The following NT5C2 variants were observed in gnomAD, a reference collection of about 807,000 sequenced individuals.
NT5C2 encodes cytosolic purine 5'-nucleotidase.
NT5C2 carries 58 observed loss-of-function variants against 76.1 expected under a neutral mutation model. The observed-to-expected ratio is 0.76, with a 90% CI of 0.62 to 0.95. The LOEUF is 0.95. Among genes scored for constraint, NT5C2 ranks in the 40% least tolerant of loss-of-function variants. The pLI is 0.00. For synonymous variants in NT5C2, 229 were observed against 237.4 expected, an observed-to-expected ratio of 0.96 and a Z score of 0.32; for missense variants, 478 against 690.3, an observed-to-expected ratio of 0.69 and a Z score of 3.45.
intron 4 of NT5C2, among the ~76,000 whole-genome samples, chr10:103,122,825 C>T (rs1213289172): frequency 6.6e-6 from 1 of 152,148 alleles, no homozygotes; most frequent in Non-Finnish European, 1.5e-5. Flanking sequence ...TAAGTTCCTC[C>T]CAGTTTATCA....
intron 3 of NT5C2, among the ~76,000 whole-genome samples, chr10:103,174,453 C>G (rs760143453): frequency 6.6e-6 from 1 of 152,136 alleles, no homozygotes; most frequent in Non-Finnish European, 1.5e-5. Flanking sequence ...CACCTGTAGT[C>G]TCAGCTACTC....
intron 3 of NT5C2, among the ~76,000 whole-genome samples, chr10:103,170,918 A>AT (rs1170446254): frequency 6.6e-6 from 1 of 152,210 alleles, no homozygotes; most frequent in African/African-American, 2.4e-5. Context: ...CCTAATGTTA[A>AT]TTAATACTTT....
chr10:103,174,844 G>A lies in NT5C2; in HGVS notation c.101+14C>T. ...ATAGAGGGGTTTTGAGGATTAAATA[G>A]ACAAAATACTTACCGATGATAGGCT... On this transcript the variant is annotated intron_variant, in intron 3 of 18. Transcript: ENST00000404739. 6.4e-7 allele frequency: 1 copy of A among 1,573,982 alleles called. No homozygotes were observed. The highest frequency in any genetic ancestry group is 8.7e-7 in the Non-Finnish European group (1 of 1,144,434).
intron 1 of NT5C2, among the ~76,000 whole-genome samples, chr10:103,182,545 G>A (rs561291101): frequency 4.6e-5 from 7 of 151,690 alleles, no homozygotes; most frequent in Admixed American, 1.3e-4. Flanking sequence ...TGAGGCAGGA[G>A]AATCACTTGA....
At chr10:103,173,230 T>C (rs1271749650) in intron 3 of NT5C2, among the ~76,000 whole-genome samples, 1 of 152,144 alleles carries the variant, frequency 6.6e-6, no homozygotes, top group East Asian at 1.9e-4. Flanking sequence ...TACCCAGAGT[T>C]ACCCACATTC....
At chr10:103,094,113 T>G in intron 13 of NT5C2, 75 bp from the exon 14 acceptor site, 1 of 750,642 alleles carries the variant, frequency 1.3e-6, no homozygotes, top group Non-Finnish European at 2.0e-6. Context: ...AACCCTCCCA[T>G]CCCACCCCCC....
intron 1 of NT5C2, among the ~76,000 whole-genome samples, chr10:103,183,198 T>G (rs537956035): frequency 6.7e-6 from 1 of 149,628 alleles, no homozygotes; most frequent in Admixed American, 6.7e-5. Context: ...TTAAGTATTT[T>G]GTAACCTTTA....
At chr10:103,155,215 TTAA>T (rs2083117829) in intron 3 of NT5C2, among the ~76,000 whole-genome samples, 1 of 152,218 alleles carries the variant, frequency 6.6e-6, no homozygotes, top group African/African-American at 2.4e-5. Context: ...AAGTAGTGTG[TTAA>T]TAGTAGTATT....
At position 103,088,749 on chromosome 10, in the gene NT5C2, C is replaced by T. The variant is rs1371281533; in HGVS notation, c.*923G>A. ...TTGTGCCCTCTACTTTAGTAAGGTT[C>T]TGGCTTACAGAGCCCTCTTCCCATC... On this transcript the variant is annotated 3_prime_UTR_variant, in exon 19 of 19. Coordinates refer to ENST00000404739, the MANE Select transcript of NT5C2 (RefSeq NM_001351169.2). The T allele has an allele frequency of 5.6e-6, 1 of 179,822 alleles. No homozygotes were observed. Among genetic ancestry groups the T allele is most frequent in the Non-Finnish European group, 1.2e-5 (1 of 84,018 alleles). The allele number at this position is 179,822 out of a possible 1,614,324, so 11.1% of individuals were successfully genotyped here. A position where few individuals can be genotyped will look rare whatever the true frequency, so the allele number is the denominator to read the frequency against.
At chr10:103,183,262 G>GTGATATATAT (rs769522226) in intron 1 of NT5C2, among the ~76,000 whole-genome samples, 111 of 73,368 alleles carry the variant, frequency 1.5e-3, no homozygotes, top group South Asian at 6.1e-3. Flanking sequence ...GTGTGTGTGT[G>GTGATATATAT]ATATATATAT....
intron 1 of NT5C2, among the ~76,000 whole-genome samples, chr10:103,190,076 C>CT (rs1338319274): frequency 6.8e-6 from 1 of 146,930 alleles, no homozygotes; most frequent in Non-Finnish European, 1.5e-5. Context: ...TCTCAGCTCA[C>CT]TGCAACCTCC....
At chr10:103,119,426 T>G (rs569751280) in intron 4 of NT5C2, among the ~76,000 whole-genome samples, 27 of 152,258 alleles carry the variant, frequency 1.8e-4, no homozygotes, top group Admixed American at 5.9e-4. Context: ...TTAGAAGTGC[T>G]CATTCCCTCA....
intron 4 of NT5C2, among the ~76,000 whole-genome samples, chr10:103,107,925 C>T (rs769962558): frequency 1.3e-5 from 2 of 152,086 alleles, no homozygotes; most frequent in Admixed American, 6.5e-5. Flanking sequence ...GAGCCCAAGG[C>T]GGGCGGATCA....
rs530815119 is a variant in NT5C2 at position 103,105,403 on chromosome 10, A to T, written c.389+303T>A. ...AGAACTGTATTAGAAAGAAGAAAAT[A>T]AAAATCTTAGAATTTCAAATAAGTC... On this transcript the variant is annotated intron_variant, in intron 6 of 18. Coordinates refer to ENST00000404739, the MANE Select transcript of NT5C2 (RefSeq NM_001351169.2). The T allele has an allele frequency of 1.8e-5, 17 of 919,442 alleles. No individual in the cohort carries two copies. The East Asian group carries it at 9.3e-4, about 51-fold the overall frequency. 57.0% of individuals were successfully genotyped at this position (919,442 alleles called of 1,614,324 possible).
At chr10:103,153,876 A>G (rs1221957506) in intron 3 of NT5C2, 1 of 761,692 alleles carries the variant, frequency 1.3e-6, no homozygotes, top group Non-Finnish European at 1.6e-6. Flanking sequence ...TACAGGAGGA[A>G]CCTAAAGTAT....
intron 3 of NT5C2, among the ~76,000 whole-genome samples, chr10:103,158,386 G>C (rs904676884): frequency 1.3e-5 from 2 of 152,004 alleles, no homozygotes; most frequent in Non-Finnish European, 2.9e-5. Flanking sequence ...TTACAGATTA[G>C]AGCAGAGATT....
chr10:103,090,816 G>C lies in NT5C2; in HGVS notation c.1273-29C>G, dbSNP rs375260507. 5 of 1,610,394 alleles carry C rather than the reference G, an allele frequency of 3.1e-6. No individual in the cohort carries two copies. In the African/African-American group the frequency reaches 6.7e-5, roughly 22 times the overall value. On this transcript the variant is annotated intron_variant, in intron 17 of 18. Coordinates refer to ENST00000404739, the MANE Select transcript of NT5C2 (RefSeq NM_001351169.2). The stretch of plus-strand genomic sequence containing the variant: ...AAACAAAGAACAAGATTGATTCTTG[G>C]CTCATTCAACAAATATTTATTGAGC...
chr10:103,165,337 T>C (rs1314903496), intron 3 of NT5C2, among the ~76,000 whole-genome samples: 1 of 151,946 alleles, frequency 6.6e-6, no homozygotes, highest in East Asian at 1.9e-4. Flanking sequence ...CTACTAAAAA[T>C]ACAAAATTAG....
At chr10:103,094,128 C>T (rs1345611261) in intron 13 of NT5C2, 90 bp from the exon 14 acceptor site, 4 of 996,276 alleles carry the variant, frequency 4.0e-6, no homozygotes, top group Non-Finnish European at 6.3e-6. Context: ...CCCCCCACCA[C>T]CAGTGCTACT....
Sources: allele counts gnomAD v4.1 joint callset (sites outside exome capture counted in the v4.1 genomes callset), GRCh38; gene constraint gnomAD v4.1.1; transcripts MANE v1.5; gene names NCBI Gene and HGNC (gene_info 2026-07-23, HGNC 2026-07-21).